EVA1A: variants seen among roughly 807,000 people sequenced by gnomAD.
EVA1A encodes the protein protein eva-1 homolog A.
Under a neutral mutation model 9.8 loss-of-function variants are expected in EVA1A, and 7 were observed. That is an observed-to-expected ratio of 0.71 (90% CI 0.41 to 1.34). The LOEUF is 1.34. EVA1A is among the 40% of genes most tolerant of loss of function. EVA1A has a pLI of 0.01. For synonymous variants in EVA1A, 90 were observed against 85.6 expected (o/e 1.05, Z -0.28); for missense variants, 206 against 205.9 (o/e 1.00, Z 0.00).
At chr2:75,518,015 C>T (rs1053137113) in intron 3 of EVA1A, 41 bp downstream of exon 3, 2 of 1,611,522 alleles carry the variant, frequency 1.2e-6, no homozygotes, top group Non-Finnish European at 1.7e-6. Flanking sequence ...TGGACCCAGC[C>T]CCAGACCTCA....
upstream of EVA1A, among the ~76,000 whole-genome samples, chr2:75,564,406 C>G (rs2104005281): frequency 6.6e-6 from 1 of 152,356 alleles, no homozygotes; most frequent in South Asian, 2.1e-4. Context: ...AGGCTGATAG[C>G]TGGGGCTCTC....
chr2:75,499,741 C>A (rs191426583), intron 3 of EVA1A, among the ~76,000 whole-genome samples: 1 of 152,124 alleles, frequency 6.6e-6, no homozygotes, highest in Admixed American at 6.5e-5. Context: ...CTCAGGGTGA[C>A]GGCTGGTCAG....
At chr2:75,562,795 AG>A (rs1676952736), upstream of EVA1A, among the ~76,000 whole-genome samples, 1 of 152,252 alleles carries the variant, frequency 6.6e-6, no homozygotes, top group African/African-American at 2.4e-5. Flanking sequence ...GTGTTAGCCA[AG>A]GGCACAGCCC....
chr2:75,563,278 A>T (rs1029814209), upstream of EVA1A, among the ~76,000 whole-genome samples: 1 of 152,232 alleles, frequency 6.6e-6, no homozygotes, highest in African/African-American at 2.4e-5. Flanking sequence ...ATCCGTTGCT[A>T]GCCTGAGAGC....
At chr2:75,511,476 G>A (rs1016941006) in intron 3 of EVA1A, among the ~76,000 whole-genome samples, 5 of 152,174 alleles carry the variant, frequency 3.3e-5, no homozygotes, top group Non-Finnish European at 7.3e-5. Context: ...GTCTCCACAT[G>A]CTGATCTAAA....
chr2:75,507,316 C>G (rs1455522108), intron 3 of EVA1A, among the ~76,000 whole-genome samples: 1 of 152,190 alleles, frequency 6.6e-6, no homozygotes, highest in Non-Finnish European at 1.5e-5. Context: ...TTCTTCAAAC[C>G]TGATGCAAGG....
At chr2:75,523,900 T>TCCC (rs1553418177) in intron 1 of EVA1A, among the ~76,000 whole-genome samples, 1 of 152,142 alleles carries the variant, frequency 6.6e-6, no homozygotes, top group Non-Finnish European at 1.5e-5. Context: ...CACTGAAATC[T>TCCC]CATCTTGTAA....
chr2:75,566,847 A>AT (rs11455207), intron 1 of EVA1A, among the ~76,000 whole-genome samples: 25,901 of 151,510 alleles, frequency 0.17, 2,266 homozygotes, highest in Non-Finnish European at 0.19. Context: ...TTGCTTCTTT[A>AT]TTTTTTTTTC....
intron 1 of EVA1A, among the ~76,000 whole-genome samples, chr2:75,533,114 A>C (rs1015001830): frequency 2.0e-5 from 3 of 151,092 alleles, no homozygotes; most frequent in South Asian, 2.1e-4. Flanking sequence ...ACTGCACTGC[A>C]CTCCAGCCTG....
At chr2:75,545,676 C>CCCTCCAG (rs1676304317) in intron 1 of EVA1A, among the ~76,000 whole-genome samples, 2 of 138,310 alleles carry the variant, frequency 1.4e-5, no homozygotes, top group Admixed American at 1.5e-4. Flanking sequence ...AGGGCAGAAG[C>CCCTCCAG]AAAGCACAGG....
rs376138463 is a variant in EVA1A at position 75,554,531 on chromosome 2, T to G, written c.-192+6149A>C. On this transcript the variant is annotated intron_variant, in intron 1 of 3. Coordinates refer to ENST00000393913, the MANE Select transcript of EVA1A (RefSeq NM_001135032.2). ...CACCTTCTTTTTCGAAAGCAGATTT[T>G]CTAAAAGTATCTTTGATGATAACAG... is the stretch of plus-strand genomic sequence containing the variant. Among the ~76,000 whole-genome samples, 68 of 152,330 alleles carry G rather than the reference T, an allele frequency of 4.5e-4. 1 individual carries two copies. Among genetic ancestry groups the G allele is most frequent in the African/African-American group, 1.5e-3 (63 of 41,568 alleles).
chr2:75,534,201 G>A (rs998600383), intron 1 of EVA1A, among the ~76,000 whole-genome samples: 12 of 151,860 alleles, frequency 7.9e-5, no homozygotes, highest in Non-Finnish European at 1.2e-4. Flanking sequence ...ATTGTGCCAC[G>A]GTACTCCAGC....
chr2:75,554,515 T>G (rs1165259742), intron 1 of EVA1A, among the ~76,000 whole-genome samples: 1 of 152,228 alleles, frequency 6.6e-6, no homozygotes, highest in Non-Finnish European at 1.5e-5. Context: ...TCACCTTCTT[T>G]TTCGAAAGCA....
At chr2:75,508,446 G>C (rs1003841679) in intron 3 of EVA1A, among the ~76,000 whole-genome samples, 4 of 152,194 alleles carry the variant, frequency 2.6e-5, no homozygotes, top group African/African-American at 9.6e-5. Flanking sequence ...GTCTCCTATA[G>C]CACTCCCAGG....
chr2:75,513,148 C>A (rs1322925450), intron 3 of EVA1A, among the ~76,000 whole-genome samples: 2 of 152,134 alleles, frequency 1.3e-5, no homozygotes, highest in East Asian at 3.9e-4. Flanking sequence ...TTGGCCCCTA[C>A]ATTTTTTATT....
At chr2:75,555,445 AC>A (rs1462898127) in intron 1 of EVA1A, among the ~76,000 whole-genome samples, 1 of 151,930 alleles carries the variant, frequency 6.6e-6, no homozygotes, top group African/African-American at 2.4e-5. Flanking sequence ...TAAAGGTAAA[AC>A]CTAGACTCTG....
intron 1 of EVA1A, among the ~76,000 whole-genome samples, chr2:75,532,261 A>T (rs1330745582): frequency 4.6e-5 from 7 of 152,040 alleles, no homozygotes; most frequent in African/African-American, 1.7e-4. Flanking sequence ...AAATAAAGAA[A>T]GGACAGGACA....
At chr2:75,511,969 T>C (rs1674831193) in intron 3 of EVA1A, among the ~76,000 whole-genome samples, 1 of 152,106 alleles carries the variant, frequency 6.6e-6, no homozygotes, top group African/African-American at 2.4e-5. Flanking sequence ...ATGTGTGTTT[T>C]GGGGAGAAGT....
At chr2:75,495,003 A>T (rs1380652463) in intron 3 of EVA1A, among the ~76,000 whole-genome samples, 1 of 152,084 alleles carries the variant, frequency 6.6e-6, no homozygotes, top group African/African-American at 2.4e-5. Context: ...AACAGTTTTC[A>T]TTCTAGGTAC....
Sources: gnomAD v4.1 joint callset for allele counts (sites outside exome capture counted in the v4.1 genomes callset) on GRCh38, gnomAD v4.1.1 for gene constraint, MANE v1.5 for transcripts, NCBI Gene and HGNC (gene_info 2026-07-23, HGNC 2026-07-21) for gene names.